Variants in KCNN2 observed in about 807,000 individuals in gnomAD.
KCNN2 encodes potassium calcium-activated channel subfamily N member 2, also known as small conductance calcium-activated potassium channel protein 2.
Under a neutral mutation model 55.5 loss-of-function variants are expected in KCNN2, and 24 were observed. The ratio of observed to expected loss-of-function variants is 0.43; its 90% confidence interval spans 0.31 to 0.61. The LOEUF (loss-of-function observed/expected upper bound fraction) is 0.61. Among genes scored for constraint, KCNN2 ranks in the 20% least tolerant of loss-of-function variants. The pLI is 0.08. For synonymous variants in KCNN2, 431 were observed against 336.1 expected (o/e 1.28, Z -3.09); for missense variants, 754 against 853.6 (o/e 0.88, Z 1.45).
intron 2 of KCNN2, among the ~76,000 whole-genome samples, chr5:114,384,687 C>A (rs1758223642): frequency 6.6e-6 from 1 of 152,112 alleles, no homozygotes; most frequent in Non-Finnish European, 1.5e-5. Flanking sequence ...TTGCATACGA[C>A]CAGTAGGTTT....
intron 2 of KCNN2, among the ~76,000 whole-genome samples, chr5:114,339,394 G>A (rs1029398902): frequency 6.6e-6 from 1 of 152,182 alleles, no homozygotes; most frequent in Non-Finnish European, 1.5e-5. Flanking sequence ...TGAGCTCTGA[G>A]CAGCAGACAT....
intron 1 of KCNN2, among the ~76,000 whole-genome samples, chr5:114,134,538 C>T (rs1270876827): frequency 1.3e-5 from 2 of 150,980 alleles, no homozygotes; most frequent in South Asian, 2.1e-4. Flanking sequence ...TGCAGTGGTG[C>T]GATCTCAGCT....
chr5:114,340,129 AT>A (rs957585977), intron 2 of KCNN2, among the ~76,000 whole-genome samples: 4 of 151,746 alleles, frequency 2.6e-5, no homozygotes, highest in African/African-American at 7.3e-5. Flanking sequence ...GTAGGAGTCA[AT>A]TTTTTTTGCC....
intron 1 of KCNN2, among the ~76,000 whole-genome samples, chr5:114,064,315 A>G (rs1197623869): frequency 2.6e-5 from 4 of 152,196 alleles, no homozygotes; most frequent in African/African-American, 4.8e-5. Context: ...GCTTTGAACA[A>G]TAAAACTCAG....
intron 2 of KCNN2, among the ~76,000 whole-genome samples, chr5:114,338,448 A>G (rs933469066): frequency 6.6e-6 from 1 of 152,250 alleles, no homozygotes; most frequent in African/African-American, 2.4e-5. Flanking sequence ...AGTACCAAAT[A>G]TAGGTCATTC....
At chr5:114,126,618 A>G (rs1454872435) in intron 1 of KCNN2, among the ~76,000 whole-genome samples, 1 of 152,102 alleles carries the variant, frequency 6.6e-6, no homozygotes, top group Non-Finnish European at 1.5e-5. Context: ...CAGCCAAACC[A>G]TATCATTCTA....
intron 7 of KCNN2, 38 bp from the exon 8 acceptor site, chr5:114,495,857 C>A (rs1411801380): frequency 1.3e-6 from 2 of 1,582,668 alleles, no homozygotes; most frequent in Non-Finnish European, 1.7e-6. Context: ...GTGTTCAGGG[C>A]AAGTATAATT....
chr5:114,145,387 C>T (rs2974478), intron 1 of KCNN2, among the ~76,000 whole-genome samples: 34,145 of 152,084 alleles, frequency 0.22, 4,021 homozygotes, highest in Non-Finnish European at 0.25. Flanking sequence ...AGAGGACACA[C>T]AGGTCCTAAA....
intron 3 of KCNN2, among the ~76,000 whole-genome samples, chr5:114,428,620 A>G (rs1759697342): frequency 6.6e-6 from 1 of 152,090 alleles, no homozygotes; most frequent in Non-Finnish European, 1.5e-5. Context: ...GTAAAAATGT[A>G]TTTCTGTTTG....
intron 2 of KCNN2, among the ~76,000 whole-genome samples, chr5:114,380,817 G>T (rs775077091): frequency 1.6e-4 from 25 of 152,058 alleles, no homozygotes; most frequent in Non-Finnish European, 3.5e-4. Flanking sequence ...TGGCCTTTGG[G>T]GTTCACTAAT....
intron 2 of KCNN2, among the ~76,000 whole-genome samples, chr5:114,266,972 T>C (rs969103704): frequency 8.0e-5 from 12 of 149,900 alleles, no homozygotes; most frequent in Admixed American, 1.4e-4. Flanking sequence ...TTAAGATGCT[T>C]CACGAACACC....
At chr5:114,076,903 C>T (rs370012478) in intron 1 of KCNN2, among the ~76,000 whole-genome samples, 1 of 152,224 alleles carries the variant, frequency 6.6e-6, no homozygotes, top group East Asian at 1.9e-4. Flanking sequence ...CCGTGTTAGC[C>T]AGGATGGTCT....
intron 2 of KCNN2, among the ~76,000 whole-genome samples, chr5:114,323,551 A>G (rs1756653542): frequency 6.6e-6 from 1 of 151,762 alleles, no homozygotes; most frequent in Non-Finnish European, 1.5e-5. Context: ...AAAAATTCAC[A>G]TCTGTAAGAT....
At chr5:114,423,355 A>G (rs569436281) in intron 3 of KCNN2, among the ~76,000 whole-genome samples, 1 of 152,312 alleles carries the variant, frequency 6.6e-6, no homozygotes, top group Admixed American at 6.5e-5. Flanking sequence ...CAAAAAAGAC[A>G]CAAGAAGAAA....
At chr5:114,414,958 G>A (rs980041882) in intron 3 of KCNN2, among the ~76,000 whole-genome samples, 23 of 152,024 alleles carry the variant, frequency 1.5e-4, no homozygotes, top group African/African-American at 5.3e-4. Flanking sequence ...CATCATCTCC[G>A]TGCCCATTTG....
chr5:114,158,997 C>T (rs1752703874), intron 1 of KCNN2, among the ~76,000 whole-genome samples: 1 of 152,092 alleles, frequency 6.6e-6, no homozygotes, highest in Admixed American at 6.6e-5. Flanking sequence ...CCCTTTATTT[C>T]TTTCTCCTGC....
intron 1 of KCNN2, among the ~76,000 whole-genome samples, chr5:114,070,800 G>A (rs1750552891): frequency 6.6e-6 from 1 of 152,142 alleles, no homozygotes; most frequent in Non-Finnish European, 1.5e-5. Context: ...TGTAAAGGTG[G>A]GCAGGTTACC....
chr5:114,493,418 A>G lies in KCNN2; in HGVS notation c.2034A>G (p.Lys678=), dbSNP rs756268542. 17 of 1,603,364 alleles carry G rather than the reference A, an allele frequency of 1.1e-5. No individual in the cohort carries two copies. The highest frequency in any genetic ancestry group is 1.4e-5 in the Non-Finnish European group (16 of 1,170,240). ...TATCTTTTAGATTAAGAAGTGTAAA[A>G]ATGGAGCAGAGGAAACTGAATGACC... ...LQAIHQLRSV[K]MEQRKLNDQA... Residue 678 remains lysine (K), a synonymous_variant, in exon 7 of 8, where the codon AAA becomes AAG. Coordinates refer to ENST00000673685, the MANE Select transcript of KCNN2 (RefSeq NM_021614.4).
chr5:114,404,889 T>A (rs751743389), intron 3 of KCNN2, 33 bp downstream of exon 3: 3 of 1,560,358 alleles, frequency 1.9e-6, no homozygotes, highest in Non-Finnish European at 2.6e-6. Flanking sequence ...GAACATAATT[T>A]ACCATGTGGT....
Sources: gnomAD v4.1 joint callset for allele counts (sites outside exome capture counted in the v4.1 genomes callset) on GRCh38, gnomAD v4.1.1 for gene constraint, MANE v1.5 for transcripts, NCBI Gene and HGNC (gene_info 2026-07-23, HGNC 2026-07-21) for gene names.